FAM228B: variants seen among roughly 807,000 people sequenced by gnomAD.
FAM228B encodes protein FAM228B.
In FAM228B, 38 loss-of-function variants were observed where a neutral mutation model predicts 42.6. The ratio of observed to expected loss-of-function variants is 0.89; its 90% CI spans 0.69 to 1.17. FAM228B has a LOEUF of 1.17. Ranked by LOEUF, FAM228B falls within the 50% of genes most tolerant of loss-of-function variation. The pLI is 0.00. For synonymous variants in FAM228B, 109 were observed against 122.3 expected (o/e 0.89, Z 0.72); for missense variants, 344 against 367.3 (o/e 0.94, Z 0.52).
At chr2:24,113,007 G>GT (rs200291405) in intron 3 of FAM228B, among the ~76,000 whole-genome samples, 18,076 of 152,106 alleles carry the variant, frequency 0.12, 1,241 homozygotes, top group South Asian at 0.18. Flanking sequence ...TAGTCTTCAG[G>GT]ACTGTGCTCT....
upstream of FAM228B, chr2:24,121,385 G>A (rs2151008560): frequency 2.3e-6 from 3 of 1,311,872 alleles, no homozygotes; most frequent in South Asian, 2.8e-5. Flanking sequence ...GTTTTTTATG[G>A]CCTGCAAGCT....
intron 7 of FAM228B, among the ~76,000 whole-genome samples, chr2:24,159,175 A>G (rs1210877497): frequency 1.3e-5 from 2 of 152,224 alleles, no homozygotes; most frequent in African/African-American, 2.4e-5. Context: ...TAACATCTGC[A>G]AAGACCCTAT....
At chr2:24,086,171 C>G (rs1390031019) in intron 2 of FAM228B, among the ~76,000 whole-genome samples, 1 of 141,286 alleles carries the variant, frequency 7.1e-6, no homozygotes, top group Non-Finnish European at 1.5e-5. Context: ...GGAGGGGGAG[C>G]TTGCAGTGAG....
chr2:24,090,719 AG>A (rs1311894452), intron 2 of FAM228B, among the ~76,000 whole-genome samples: 1 of 152,222 alleles, frequency 6.6e-6, no homozygotes, highest in Non-Finnish European at 1.5e-5. Context: ...GAGGCCAAAA[AG>A]GCATTGATTA....
intron 5 of FAM228B, among the ~76,000 whole-genome samples, chr2:24,146,406 A>G (rs1010844378): frequency 6.6e-6 from 1 of 152,244 alleles, no homozygotes; most frequent in Non-Finnish European, 1.5e-5. Flanking sequence ...AGGGATTAAG[A>G]TGAATATATG....
At chr2:24,166,188 A>G (rs1667407683) in intron 9 of FAM228B, 2 of 151,680 alleles carry the variant, frequency 1.3e-5, no homozygotes, top group Non-Finnish European at 2.9e-5. Flanking sequence ...GAGATAGCCC[A>G]GCCTACCATT....
Position 24,082,954 on chromosome 2 carries a change from A to G in FAM228B, c.-210+1999A>G, listed in dbSNP as rs139475023. 495 of 1,614,048 alleles carry G rather than the reference A, an allele frequency of 3.1e-4. 1 individual carries two copies. The highest frequency in any genetic ancestry group is 1.2e-3 in the Middle Eastern group (7 of 5,950). On this transcript the variant is annotated intron_variant, in intron 2 of 10. Coordinates refer to the FAM228B transcript ENST00000613899. Reference sequence around the variant, plus strand: ...ATGGCTGCAGCCTGGGTCAGGGTCAATCCCTCTGGGATAGGCATGAGGAGC... The same window carrying G: ...ATGGCTGCAGCCTGGGTCAGGGTCAGTCCCTCTGGGATAGGCATGAGGAGC...
At chr2:24,135,649 A>G (rs1666563435) in intron 3 of FAM228B, among the ~76,000 whole-genome samples, 1 of 152,178 alleles carries the variant, frequency 6.6e-6, no homozygotes, top group Non-Finnish European at 1.5e-5. Flanking sequence ...AAATTTCTTT[A>G]GAGCTCTTTA....
At chr2:24,159,452 T>C (rs1443850068) in intron 7 of FAM228B, among the ~76,000 whole-genome samples, 2 of 152,210 alleles carry the variant, frequency 1.3e-5, no homozygotes, top group Non-Finnish European at 2.9e-5. Flanking sequence ...CAGACAAAGG[T>C]AGAACTTGGA....
chr2:24,167,638 C>A lies in FAM228B; in HGVS notation c.944C>A (p.Pro315Gln), dbSNP rs191360469. 37 of 1,551,492 alleles carry A rather than the reference C, an allele frequency of 2.4e-5. No individual in the cohort carries two copies. Among genetic ancestry groups the A allele is most frequent in the Admixed American group, 1.8e-4 (9 of 50,970 alleles). ...REEDQDGSPSPRLGLLKLEL is the reference protein window; with the variant it reads ...REEDQDGSPSQRLGLLKLEL Reference sequence around the variant, plus strand: ...AATCTTCATTTAAGGTCTCCCTCCCCGCGTTTGGGGCTGCTGAAGCTGGAG... The same window carrying A: ...AATCTTCATTTAAGGTCTCCCTCCCAGCGTTTGGGGCTGCTGAAGCTGGAG... The change falls in exon 10 of 11, where the codon CCG becomes CAG. Residue 315 changes from proline to glutamine, a missense_variant. Coordinates refer to ENST00000615575, the MANE Select transcript of FAM228B (RefSeq NM_001145710.2).
intron 3 of FAM228B, among the ~76,000 whole-genome samples, chr2:24,099,397 T>A (rs1261335061): frequency 6.6e-6 from 1 of 152,198 alleles, no homozygotes; most frequent in Non-Finnish European, 1.5e-5. Flanking sequence ...CAAAATCTCC[T>A]TAAGCTGATA....
chr2:24,083,071 G>T, intron 2 of FAM228B: 1 of 1,614,140 alleles, frequency 6.2e-7, no homozygotes, highest in Admixed American at 1.7e-5. Flanking sequence ...TGGCAGCCAG[G>T]CCCCAGCTCT....
At chr2:24,158,710 G>A (rs1431524352) in intron 7 of FAM228B, among the ~76,000 whole-genome samples, 1 of 152,170 alleles carries the variant, frequency 6.6e-6, no homozygotes, top group Non-Finnish European at 1.5e-5. Context: ...GTGAAACAGA[G>A]ATCGATATGA....
rs188872358 is a variant in FAM228B, at chr2:24,158,347, T to G, written c.687-3159T>G. On this transcript the variant is annotated intron_variant, in intron 7 of 10. Coordinates refer to ENST00000615575, the MANE Select transcript of FAM228B (RefSeq NM_001145710.2). Reference sequence around the variant, plus strand: ...CTCTTTTGTCCCACGATGTACTTTTTCATCGATCACACAGTTTGCACCTGT... The same window carrying G: ...CTCTTTTGTCCCACGATGTACTTTTGCATCGATCACACAGTTTGCACCTGT... 1.9e-3 allele frequency among the ~76,000 whole-genome samples: 292 copies of G among 152,298 alleles called. 1 individual carries two copies. The highest frequency in any genetic ancestry group is 6.5e-3 in the African/African-American group (272 of 41,562).
chr2:24,108,292 C>G (rs1665731247), intron 3 of FAM228B, among the ~76,000 whole-genome samples: 1 of 151,826 alleles, frequency 6.6e-6, no homozygotes, highest in Non-Finnish European at 1.5e-5. Context: ...AGCCCACCAA[C>G]CAAAACAAAC....
intron 7 of FAM228B, among the ~76,000 whole-genome samples, chr2:24,159,140 CTACTGT>C (rs1667230532): frequency 1.3e-5 from 2 of 152,356 alleles, no homozygotes; most frequent in South Asian, 4.1e-4. Context: ...ACACCCTAAT[CTACTGT>C]TACCTCATTT....
chr2:24,120,516 ATC>A (rs202031836), upstream of FAM228B, among the ~76,000 whole-genome samples: 1,612 of 152,298 alleles, frequency 0.011, 19 homozygotes, highest in Non-Finnish European at 0.018. Context: ...AATGATTTTC[ATC>A]TCTTTCATTC....
At chr2:24,149,900 G>C (rs1178749396) in intron 7 of FAM228B, among the ~76,000 whole-genome samples, 1 of 152,166 alleles carries the variant, frequency 6.6e-6, no homozygotes, top group East Asian at 1.9e-4. Context: ...CATGAGGCTT[G>C]TAAATGCTAT....
At chr2:24,123,951 G>A (rs1205474228) in intron 1 of FAM228B, among the ~76,000 whole-genome samples, 1 of 152,196 alleles carries the variant, frequency 6.6e-6, no homozygotes, top group African/African-American at 2.4e-5. Flanking sequence ...TCTCTAAGCA[G>A]CTCAGCCTGT....
Sources: gnomAD v4.1 joint callset for allele counts (sites outside exome capture counted in the v4.1 genomes callset) on GRCh38, gnomAD v4.1.1 for gene constraint, MANE v1.5 for transcripts, NCBI Gene and HGNC (gene_info 2026-07-23, HGNC 2026-07-21) for gene names.